LRRC4C: variants seen among roughly 807,000 people sequenced by gnomAD.
LRRC4C encodes the protein leucine-rich repeat-containing protein 4C.
In LRRC4C, 5 loss-of-function variants were observed where a neutral mutation model predicts 33.6. The ratio of observed to expected loss-of-function variants is 0.15; its 90% confidence interval spans 0.08 to 0.31. The LOEUF (loss-of-function observed/expected upper bound fraction) is 0.31. Among genes scored for constraint, LRRC4C ranks in the 10% least tolerant of loss-of-function variants. LRRC4C has a pLI of 1.00. For missense variants in LRRC4C, 560 were observed against 796.7 expected, an observed-to-expected ratio of 0.70 and a Z score of 3.58; for synonymous variants, 329 against 302.0, an observed-to-expected ratio of 1.09 and a Z score of -0.93.
intron 3 of LRRC4C, among the ~76,000 whole-genome samples, chr11:40,537,943 G>A (rs1056114753): frequency 2.6e-5 from 4 of 152,060 alleles, no homozygotes; most frequent in African/African-American, 9.7e-5. Context: ...TAGGAAAGCC[G>A]AATCTCAAGC....
intron 2 of LRRC4C, among the ~76,000 whole-genome samples, chr11:40,802,124 CA>C (rs1443081644): frequency 6.6e-6 from 1 of 152,160 alleles, no homozygotes; most frequent in Admixed American, 6.5e-5. Context: ...GTGAGAATTC[CA>C]GCTACATTCC....
intron 3 of LRRC4C, among the ~76,000 whole-genome samples, chr11:40,453,057 G>A (rs1951964079): frequency 6.6e-6 from 1 of 151,834 alleles, no homozygotes; most frequent in Admixed American, 6.6e-5. Context: ...GGGAGGGATA[G>A]CATTAGGAGA....
chr11:40,681,749 G>A (rs1944701202), intron 2 of LRRC4C, among the ~76,000 whole-genome samples: 1 of 151,972 alleles, frequency 6.6e-6, no homozygotes, highest in South Asian at 2.1e-4. Context: ...AAAATATGAT[G>A]GAATACTACT....
intron 1 of LRRC4C, among the ~76,000 whole-genome samples, chr11:41,295,063 T>C (rs770177741): frequency 1.6e-4 from 24 of 152,334 alleles, no homozygotes; most frequent in Non-Finnish European, 3.1e-4. Flanking sequence ...ATCCATAAAA[T>C]GCTTACACTA....
chr11:40,979,566 T>C (rs182036975), intron 1 of LRRC4C, among the ~76,000 whole-genome samples: 65 of 152,156 alleles, frequency 4.3e-4, no homozygotes, highest in African/African-American at 1.4e-3. Context: ...TGTGGCTTCT[T>C]AGATTTTGGA....
At chr11:40,818,230 A>T (rs1565097147) in intron 2 of LRRC4C, among the ~76,000 whole-genome samples, 1 of 152,266 alleles carries the variant, frequency 6.6e-6, no homozygotes, top group East Asian at 1.9e-4. Flanking sequence ...CATCCATAAC[A>T]TCTGTGAAAA....
intron 2 of LRRC4C, among the ~76,000 whole-genome samples, chr11:40,662,200 A>C (rs1943474085): frequency 6.6e-6 from 1 of 152,186 alleles, no homozygotes; most frequent in South Asian, 2.1e-4. Flanking sequence ...GATTCCTAGA[A>C]GTGTTTTTAC....
At chr11:40,795,978 A>G (rs1950807705) in intron 2 of LRRC4C, among the ~76,000 whole-genome samples, 1 of 152,198 alleles carries the variant, frequency 6.6e-6, no homozygotes, top group Non-Finnish European at 1.5e-5. Flanking sequence ...GCCCCAAATG[A>G]TAATACGTCT....
chr11:40,585,528 T>G (rs1958686463), intron 3 of LRRC4C, among the ~76,000 whole-genome samples: 1 of 151,292 alleles, frequency 6.6e-6, no homozygotes, highest in Non-Finnish European at 1.5e-5. Context: ...TTGTGCAGGT[T>G]AGTTACATAT....
chr11:40,731,046 G>A (rs1038692012), intron 2 of LRRC4C, among the ~76,000 whole-genome samples: 42 of 152,112 alleles, frequency 2.8e-4, no homozygotes, highest in African/African-American at 2.7e-4. Context: ...CCGTCCGGGC[G>A]TGGTGGCTCA....
chr11:40,531,210 C>T (rs1398408421), intron 3 of LRRC4C, among the ~76,000 whole-genome samples: 1 of 152,008 alleles, frequency 6.6e-6, no homozygotes, highest in African/African-American at 2.4e-5. Flanking sequence ...TATACCCTAC[C>T]CCCACGCTTG....
intron 1 of LRRC4C, among the ~76,000 whole-genome samples, chr11:41,367,353 T>C (rs1265838516): frequency 6.6e-6 from 1 of 152,166 alleles, no homozygotes; most frequent in Non-Finnish European, 1.5e-5. Context: ...CACGGCCTTC[T>C]TCTAACACCT....
At chr11:41,322,381 A>AT (rs979498865) in intron 1 of LRRC4C, among the ~76,000 whole-genome samples, 22 of 148,904 alleles carry the variant, frequency 1.5e-4, no homozygotes, top group African/African-American at 3.0e-4. Flanking sequence ...TTCTATCTTT[A>AT]TTTTTTTTTT....
chr11:41,104,039 T>A (rs1941353706), intron 1 of LRRC4C, among the ~76,000 whole-genome samples: 1 of 151,916 alleles, frequency 6.6e-6, no homozygotes, highest in South Asian at 2.1e-4. Flanking sequence ...TCTTTGTTCC[T>A]TTGAGTTAGG....
At chr11:41,254,384 C>T (rs906334177) in intron 1 of LRRC4C, among the ~76,000 whole-genome samples, 2 of 151,912 alleles carry the variant, frequency 1.3e-5, no homozygotes, top group Non-Finnish European at 2.9e-5. Flanking sequence ...TGGAGAGAAA[C>T]GTCTTCAAAT....
chr11:40,554,066 G>A (rs959632880), intron 3 of LRRC4C, among the ~76,000 whole-genome samples: 1 of 152,132 alleles, frequency 6.6e-6, no homozygotes, highest in Non-Finnish European at 1.5e-5. Flanking sequence ...GATTTGTATA[G>A]TTTGAGGTCC....
At chr11:40,409,989 A>T (rs529616137) in intron 3 of LRRC4C, among the ~76,000 whole-genome samples, 1 of 152,244 alleles carries the variant, frequency 6.6e-6, no homozygotes, top group African/African-American at 2.4e-5. Context: ...AATTAAAATA[A>T]ATAAATCAAT....
chr11:40,245,864 A>T, intron 4 of LRRC4C, among the ~76,000 whole-genome samples: 1 of 151,904 alleles, frequency 6.6e-6, no homozygotes, highest in East Asian at 1.9e-4. Flanking sequence ...TATTATTTTA[A>T]TTATTTCCAC....
At chr11:40,254,155 A>G (rs181425021) in intron 4 of LRRC4C, among the ~76,000 whole-genome samples, 89 of 152,326 alleles carry the variant, frequency 5.8e-4, no homozygotes, top group African/African-American at 2.1e-3. Flanking sequence ...AAGGTGTGGC[A>G]ATGCCAATAA....
Sources: gnomAD v4.1 joint callset for allele counts (sites outside exome capture counted in the v4.1 genomes callset) on GRCh38, gnomAD v4.1.1 for gene constraint, MANE v1.5 for transcripts, NCBI Gene and HGNC (gene_info 2026-07-23, HGNC 2026-07-21) for gene names.